The following GLIS3 variants were observed in gnomAD, a reference collection of about 807,000 sequenced individuals.
The protein encoded by GLIS3 is zinc finger protein GLIS3.
GLIS3 carries 53 observed loss-of-function variants against 78.6 expected under a neutral mutation model. The ratio of observed to expected loss-of-function variants is 0.67; its 90% CI spans 0.54 to 0.85. The LOEUF (loss-of-function observed/expected upper bound fraction) is 0.85, where lower values mean the gene tolerates loss of function less well. Ranked by LOEUF, GLIS3 falls within the 40% of genes least tolerant of loss-of-function variation. The probability of loss-of-function intolerance (pLI) is 0.00; values close to 1 mark genes in which losing one functional copy is unlikely to be tolerated. For synonymous variants in GLIS3, 684 were observed against 509.9 expected, an observed-to-expected ratio of 1.34 and a Z score of -4.60; for missense variants, 1,703 against 1,231.1, an observed-to-expected ratio of 1.38 and a Z score of -5.74.
intron 5 of GLIS3, among the ~76,000 whole-genome samples, chr9:3,936,174 T>A (rs1825888727): frequency 6.6e-6 from 1 of 152,160 alleles, no homozygotes; most frequent in South Asian, 2.1e-4. Flanking sequence ...GGATAAGAGA[T>A]CTGTGATGTG....
chr9:4,118,008 G>C lies in GLIS3; in HGVS notation c.1470C>G (p.Asp490Glu). Residue 490 changes from aspartate to glutamate, a missense_variant, in exon 4 of 11, where the codon GAC becomes GAG. Coordinates refer to ENST00000381971, the MANE Select transcript of GLIS3 (RefSeq NM_001042413.2). This position sits in a 1 kb window ranked among gnomAD's most constrained non-coding sequence, Gnocchi z 4.7. Reference sequence around the variant, plus strand: ...TGCCCCCGATGCCGTCCATCTCCCCGTCGTCGTCCAGGGTGGCCTGGGGCA... The same window carrying C: ...TGCCCCCGATGCCGTCCATCTCCCCCTCGTCGTCCAGGGTGGCCTGGGGCA... ...LALPQATLDD[D>E]GEMDGIGGKH... is the part of the protein sequence containing the mutation. 3 of 1,608,056 alleles carry C rather than the reference G, an allele frequency of 1.9e-6. No homozygotes were observed. The highest frequency in any genetic ancestry group is 2.5e-6 in the Non-Finnish European group (3 of 1,177,592).
the GLIS3 span, among the ~76,000 whole-genome samples, chr9:4,359,578 T>A: frequency 1.3e-5 from 2 of 152,180 alleles, no homozygotes; most frequent in Non-Finnish European, 2.9e-5. Context: ...ACCCACTAAA[T>A]GTTTTATTTA....
intron 2 of GLIS3, among the ~76,000 whole-genome samples, chr9:4,143,845 T>C (rs1834004359): frequency 6.6e-6 from 1 of 152,218 alleles, no homozygotes; most frequent in Non-Finnish European, 1.5e-5. Context: ...GTAGCATCTT[T>C]TGTCTTTTTC....
chr9:4,159,074 G>A (rs1835273824), intron 2 of GLIS3, among the ~76,000 whole-genome samples: 1 of 146,460 alleles, frequency 6.8e-6, no homozygotes, highest in Non-Finnish European at 1.5e-5. Flanking sequence ...AATGTACTCG[G>A]CAAGGGAGAA....
At chr9:3,867,088 C>G (rs561315585) in intron 8 of GLIS3, among the ~76,000 whole-genome samples, 127 of 152,112 alleles carry the variant, frequency 8.3e-4, no homozygotes, top group Non-Finnish European at 1.2e-3. Context: ...GACTCCTAGG[C>G]TTTTTAGGTT....
intron 2 of GLIS3, among the ~76,000 whole-genome samples, chr9:4,326,517 G>T (rs1161127348): frequency 6.6e-6 from 1 of 152,054 alleles, no homozygotes; most frequent in Non-Finnish European, 1.5e-5. Flanking sequence ...GAGACAGAAA[G>T]TGGAGTAGTG....
upstream of GLIS3, among the ~76,000 whole-genome samples, chr9:4,301,436 G>A (rs1437021992): frequency 2.0e-5 from 3 of 152,178 alleles, no homozygotes; most frequent in South Asian, 6.2e-4. Context: ...GAAACCAAGT[G>A]GTGGAAATTG....
chr9:4,277,686 A>G (rs934038970), intron 2 of GLIS3, among the ~76,000 whole-genome samples: 1 of 152,232 alleles, frequency 6.6e-6, no homozygotes, highest in Non-Finnish European at 1.5e-5. Context: ...AAGTAAAATA[A>G]AAACTCTTAT....
At chr9:4,392,201 G>A in the GLIS3 span, among the ~76,000 whole-genome samples, 2 of 151,874 alleles carry the variant, frequency 1.3e-5, no homozygotes, top group African/African-American at 2.4e-5. Flanking sequence ...GAGAGCACAT[G>A]GACACAGGGA....
intron 4 of GLIS3, among the ~76,000 whole-genome samples, chr9:4,031,491 G>A (rs1823828164): frequency 6.6e-6 from 1 of 152,226 alleles, no homozygotes; most frequent in Non-Finnish European, 1.5e-5. Context: ...GAGGAGGTAA[G>A]AAGGGAGAAC....
upstream of GLIS3, among the ~76,000 whole-genome samples, chr9:4,300,432 C>T (rs992043966): frequency 2.0e-5 from 3 of 152,026 alleles, no homozygotes; most frequent in Admixed American, 2.0e-4. Context: ...GGTAGTAATA[C>T]GGAGAGAATA....
At chr9:4,312,904 C>G (rs944804159) in intron 2 of GLIS3, among the ~76,000 whole-genome samples, 1 of 152,232 alleles carries the variant, frequency 6.6e-6, no homozygotes, top group Non-Finnish European at 1.5e-5. Context: ...ATTTAATCCT[C>G]ACAGTAACAC....
chr9:4,280,245 G>C (rs1827424369), intron 2 of GLIS3, among the ~76,000 whole-genome samples: 1 of 152,216 alleles, frequency 6.6e-6, no homozygotes, highest in South Asian at 2.1e-4. Context: ...CTGGTCTTGA[G>C]CTCCTGGCCT....
intron 4 of GLIS3, among the ~76,000 whole-genome samples, chr9:4,017,605 G>A (rs1822542697): frequency 6.6e-6 from 1 of 152,164 alleles, no homozygotes; most frequent in African/African-American, 2.4e-5. Context: ...GAGAGGCTGT[G>A]AAAGGTGGCG....
intron 2 of GLIS3, among the ~76,000 whole-genome samples, chr9:4,189,255 C>A (rs1200255660): frequency 6.6e-6 from 1 of 152,130 alleles, no homozygotes; most frequent in South Asian, 2.1e-4. Flanking sequence ...TCATTATGCA[C>A]CCAGTAGTCA....
At chr9:3,885,550 T>A (rs995447451) in intron 7 of GLIS3, among the ~76,000 whole-genome samples, 3 of 152,150 alleles carry the variant, frequency 2.0e-5, no homozygotes, top group Admixed American at 6.5e-5. Flanking sequence ...GGCTGGAACA[T>A]GGGAAGAGGT....
At chr9:4,058,240 T>G (rs1283954495) in intron 4 of GLIS3, among the ~76,000 whole-genome samples, 1 of 151,034 alleles carries the variant, frequency 6.6e-6, no homozygotes, top group African/African-American at 2.4e-5. Flanking sequence ...TTTTTCCTTG[T>G]TTTTTTTTGG....
At chr9:3,979,614 G>T (rs184443658) in intron 4 of GLIS3, among the ~76,000 whole-genome samples, 107 of 152,142 alleles carry the variant, frequency 7.0e-4, no homozygotes, top group African/African-American at 2.5e-3. Context: ...CTAGGTTAGG[G>T]CCTTTCCCTG....
rs558430932 is a variant in GLIS3, at chr9:3,913,812, G to A, written c.1984-14977C>T. 5.9e-5 allele frequency among the ~76,000 whole-genome samples: 9 copies of A among 152,224 alleles called. No homozygotes were observed. The East Asian group carries it at 1.5e-3, about 26-fold the overall frequency. ...GTGCACATCATAAAAGACAAAAAGG[G>A]CTTTATAAACAACCCTTGAGTGTTT... On this transcript the variant is annotated intron_variant, in intron 6 of 10. Transcript: ENST00000381971.
Sources: allele counts gnomAD v4.1 joint callset (sites outside exome capture counted in the v4.1 genomes callset), GRCh38; gene constraint gnomAD v4.1.1; non-coding constraint Gnocchi (gnomAD v3.1); transcripts MANE v1.5; gene names NCBI Gene and HGNC (gene_info 2026-07-23, HGNC 2026-07-21).